The following TEX9 variants were observed in gnomAD, a reference collection of about 807,000 sequenced individuals.
The protein encoded by TEX9 is testis-expressed protein 9.
TEX9 carries 74 observed loss-of-function variants against 59.6 expected under a neutral mutation model. The ratio of observed to expected loss-of-function variants is 1.24; its 90% confidence interval spans 1.03 to 1.51. The LOEUF is 1.51. Among genes scored for constraint, TEX9 ranks in the 40% most tolerant of loss-of-function variants. TEX9 has a pLI of 0.00. For synonymous variants in TEX9, 186 were observed against 152.2 expected, an observed-to-expected ratio of 1.22 and a Z score of -1.64; for missense variants, 522 against 447.8, an observed-to-expected ratio of 1.17 and a Z score of -1.49.
At chr15:56,303,271 A>T (rs1388715764) in intron 1 of TEX9, among the ~76,000 whole-genome samples, 3 of 152,236 alleles carry the variant, frequency 2.0e-5, no homozygotes, top group African/African-American at 7.2e-5. Flanking sequence ...TCTCTTCAGC[A>T]TATGGATCAT....
intron 1 of TEX9, among the ~76,000 whole-genome samples, chr15:56,292,209 A>G (rs1369327161): frequency 6.6e-6 from 1 of 152,222 alleles, no homozygotes; most frequent in African/African-American, 2.4e-5. Flanking sequence ...GTGGGTCTAC[A>G]GGTCTGTATT....
At chr15:56,279,887 A>T (rs554237311) in intron 1 of TEX9, among the ~76,000 whole-genome samples, 2 of 152,208 alleles carry the variant, frequency 1.3e-5, no homozygotes, top group Non-Finnish European at 2.9e-5. Flanking sequence ...CAATGCTTTG[A>T]CTTACAAGTT....
chr15:56,395,278 T>A (rs2048413769), intron 9 of TEX9: 1 of 162,330 alleles, frequency 6.2e-6, no homozygotes, highest in Admixed American at 6.4e-5. Context: ...TCAAGGTTCA[T>A]TCATGTTGCA....
At chr15:56,247,202 A>G (rs2141277010) in intron 1 of TEX9, among the ~76,000 whole-genome samples, 1 of 152,366 alleles carries the variant, frequency 6.6e-6, no homozygotes, top group African/African-American at 2.4e-5. Flanking sequence ...AGACTGTAGT[A>G]TATACATTTA....
chr15:56,395,242 G>A (rs2048411727), intron 9 of TEX9: 2 of 179,430 alleles, frequency 1.1e-5, no homozygotes, highest in Non-Finnish European at 1.2e-5. Flanking sequence ...GTGGTCTTTT[G>A]TGACTGACTT....
chr15:56,268,563 T>G (rs533304490), intron 1 of TEX9, among the ~76,000 whole-genome samples: 1 of 152,344 alleles, frequency 6.6e-6, no homozygotes, highest in South Asian at 2.1e-4. Context: ...GAAGGCCTTT[T>G]CTGCATCTAT....
chr15:56,363,796 T>A (rs1413455390), upstream of TEX9, among the ~76,000 whole-genome samples: 1 of 151,728 alleles, frequency 6.6e-6, no homozygotes, highest in Non-Finnish European at 1.5e-5. Context: ...CTCCTAGTAG[T>A]TGGGACTACA....
At chr15:56,260,539 GAAGT>G (rs530985404) in intron 1 of TEX9, among the ~76,000 whole-genome samples, 66 of 152,044 alleles carry the variant, frequency 4.3e-4, no homozygotes, top group Non-Finnish European at 7.7e-4. Context: ...ATAATTTAGT[GAAGT>G]AAGTTATATT....
chr15:56,286,094 G>T (rs1390011764), intron 1 of TEX9, among the ~76,000 whole-genome samples: 1 of 152,114 alleles, frequency 6.6e-6, no homozygotes, highest in African/African-American at 2.4e-5. Context: ...ACTATTTTGA[G>T]ATATGAATCT....
chr15:56,252,379 CTT>C (rs3050136), intron 1 of TEX9, among the ~76,000 whole-genome samples: 20 of 119,682 alleles, frequency 1.7e-4, no homozygotes, highest in African/African-American at 2.9e-4. Context: ...TTAGAAAAAC[CTT>C]TTTTTTTTTT....
the TEX9 span, among the ~76,000 whole-genome samples, chr15:56,451,545 C>T: frequency 2.0e-5 from 3 of 152,170 alleles, no homozygotes; most frequent in Non-Finnish European, 4.4e-5. Context: ...GAGCTGCCTA[C>T]TCTGCTATTT....
At chr15:56,318,787 A>C (rs2045836558) in intron 1 of TEX9, among the ~76,000 whole-genome samples, 1 of 152,120 alleles carries the variant, frequency 6.6e-6, no homozygotes, top group Non-Finnish European at 1.5e-5. Context: ...ATAGTATATA[A>C]AAATTTGCTC....
At chr15:56,384,165 A>G (rs528266371) in intron 4 of TEX9, 134 bp downstream of exon 4, 8 of 600,052 alleles carry the variant, frequency 1.3e-5, no homozygotes, top group African/African-American at 3.8e-5. Flanking sequence ...GCTTATACCA[A>G]TCAGACACAG....
In TEX9 at chr15:56,407,201, C is replaced by G. The variant is rs888614539; in HGVS notation, c.829-5101C>G. ...TTTTTTGCATATGGATAATACAGTT[C>G]TTTCCTCATTTGCTTACCATGGCAC... On this transcript the variant is annotated intron_variant, in intron 9 of 12. Coordinates refer to ENST00000352903, the Ensembl canonical transcript of TEX9. 1.2e-4 allele frequency among the ~76,000 whole-genome samples: 18 copies of G among 152,140 alleles called. No homozygotes were observed. The East Asian group carries it at 2.1e-3, about 18-fold the overall frequency.
chr15:56,391,490 A>G (rs1422837581), intron 7 of TEX9, 72 bp downstream of exon 7: 21 of 1,058,248 alleles, frequency 2.0e-5, no homozygotes, highest in Non-Finnish European at 2.1e-5. Flanking sequence ...TTGGGGAACT[A>G]TTTCTTCCAT....
At chr15:56,442,277 GT>G (rs747758410) in intron 12 of TEX9, among the ~76,000 whole-genome samples, 5 of 152,172 alleles carry the variant, frequency 3.3e-5, no homozygotes, top group Non-Finnish European at 5.9e-5. Flanking sequence ...TACACTGTTG[GT>G]GGGAATGTAA....
intron 9 of TEX9, among the ~76,000 whole-genome samples, chr15:56,411,605 A>G (rs1158480839): frequency 1.4e-4 from 21 of 152,142 alleles, no homozygotes; most frequent in Admixed American, 1.4e-3. Flanking sequence ...TTTGGGAGAG[A>G]TCCAGTTACT....
rs1031041183 is a variant in TEX9 at position 56,276,047 on chromosome 15, G to T, written c.-107+31769G>T. ...TCTTTGAAGGCAACATGTTTCTTTT[G>T]TCTGTTTTTACAATTTTCTCTTTTC... is the stretch of plus-strand genomic sequence containing the variant. On this transcript the variant is annotated intron_variant, in intron 1 of 5. Transcript: ENST00000560827. Among the ~76,000 whole-genome samples the T allele has an allele frequency of 7.3e-5, 11 of 151,610 alleles. 1 individual carries two copies. Among genetic ancestry groups the T allele is most frequent in the Admixed American group, 6.6e-4 (10 of 15,232 alleles).
chr15:56,427,625 CAA>C lies in TEX9; in HGVS notation c.990_991del (p.Lys330AsnfsTer2), dbSNP rs768813444. On this transcript the variant is annotated frameshift_variant, in exon 11 of 13. Coordinates refer to ENST00000352903, the Ensembl canonical transcript of TEX9. LOFTEE classifies it high-confidence loss of function. ...TGTAGGACATAGCAAATGAAGAACACAAAAAAATTGAAGTGTTAAAATCAGAA... is the reference window on the plus strand; with the variant it reads ...TGTAGGACATAGCAAATGAAGAACACAAAAATTGAAGTGTTAAAATCAGAA... The C allele has an allele frequency of 1.3e-6, 2 of 1,529,064 alleles. No individual in the cohort carries two copies. The highest frequency in any genetic ancestry group is 1.8e-6 in the Non-Finnish European group (2 of 1,139,874). The allele number at this position is 1,529,064 out of a possible 1,614,324, so 94.7% of individuals were successfully genotyped here.
Sources: allele counts gnomAD v4.1 joint callset (sites outside exome capture counted in the v4.1 genomes callset), GRCh38; gene constraint gnomAD v4.1.1; transcripts MANE v1.5; gene names NCBI Gene and HGNC (gene_info 2026-07-23, HGNC 2026-07-21).